The following DCAF8L2 variants were observed in gnomAD, a reference collection of about 807,000 sequenced individuals.
DCAF8L2 encodes DDB1- and CUL4-associated factor 8-like protein 2.
For synonymous variants in DCAF8L2, 200 were observed against 190.9 expected (o/e 1.05, Z -0.39); for missense variants, 430 against 490.7 (o/e 0.88, Z 1.17).
At chrX:27,627,537 TTGTG>T (rs58826584) in intron 1 of DCAF8L2, 12,610 of 90,624 alleles carry the variant, frequency 0.14, 866 homozygotes, top group East Asian at 0.38. Context: ...GTTGTTTTTG[TTGTG>T]TGTGTGTGTG....
At chrX:27,498,921 G>T in the DCAF8L2 span, among the ~76,000 whole-genome samples, 1 of 111,883 alleles carries the variant, frequency 8.9e-6, no homozygotes, top group Non-Finnish European at 1.9e-5. Context: ...GTGTATGTGT[G>T]TACACTATAT....
At chrX:27,469,568 G>T in the DCAF8L2 span, among the ~76,000 whole-genome samples, 3 of 111,150 alleles carry the variant, frequency 2.7e-5, no homozygotes, top group Admixed American at 9.6e-5. Flanking sequence ...ACATTTAAAG[G>T]GGTGCCTTGA....
chrX:27,526,358 C>T, the DCAF8L2 span, among the ~76,000 whole-genome samples: 7,287 of 111,988 alleles, frequency 0.065, 557 homozygotes, highest in African/African-American at 0.22. Flanking sequence ...GTTCTCGTGC[C>T]ATGGTTTTTA....
intron 1 of DCAF8L2, among the ~76,000 whole-genome samples, chrX:27,628,315 C>G (rs913699287): frequency 2.7e-5 from 3 of 111,514 alleles, no homozygotes; most frequent in African/African-American, 9.8e-5. Flanking sequence ...ACCACATTAT[C>G]TTTATCCATT....
chrX:27,524,950 C>A, the DCAF8L2 span, among the ~76,000 whole-genome samples: 3 of 111,949 alleles, frequency 2.7e-5, no homozygotes, highest in African/African-American at 9.8e-5. Context: ...TTACTTCTAA[C>A]TATGTGGTCA....
the DCAF8L2 span, among the ~76,000 whole-genome samples, chrX:27,512,798 A>AAC: frequency 1.0e-5 from 1 of 97,634 alleles, no homozygotes; most frequent in Non-Finnish European, 2.0e-5. Flanking sequence ...AAAAAAAAAA[A>AAC]AAAAAAAAAA....
intron 3 of DCAF8L2, among the ~76,000 whole-genome samples, chrX:27,686,229 C>CT (rs1306912567): frequency 1.8e-5 from 2 of 110,909 alleles, no homozygotes; most frequent in Admixed American, 1.9e-4. Flanking sequence ...AATTCCACTA[C>CT]TAGTTATATA....
At chrX:27,658,432 C>G (rs1449795448) in intron 2 of DCAF8L2, among the ~76,000 whole-genome samples, 1 of 111,799 alleles carries the variant, frequency 8.9e-6, no homozygotes, top group African/African-American at 3.2e-5. Context: ...ACTAAAATTT[C>G]AAAATGAATG....
intron 2 of DCAF8L2, among the ~76,000 whole-genome samples, chrX:27,658,410 A>T (rs1484081316): frequency 8.9e-6 from 1 of 112,356 alleles, no homozygotes; most frequent in African/African-American, 3.2e-5. Context: ...TAGTAGCCAT[A>T]GAAATTGAAA....
chrX:27,671,227 G>A (rs1283977579), intron 2 of DCAF8L2, among the ~76,000 whole-genome samples: 1 of 112,135 alleles, frequency 8.9e-6, no homozygotes, highest in East Asian at 2.8e-4. Flanking sequence ...TCTACCAGTA[G>A]TTGGTTGCTA....
chrX:27,617,541 T>G (rs1490380749), intron 1 of DCAF8L2, among the ~76,000 whole-genome samples: 1 of 111,325 alleles, frequency 9.0e-6, no homozygotes, highest in Non-Finnish European at 1.9e-5. Context: ...ATTTGCTTAT[T>G]TAGGATCACA....
the DCAF8L2 span, among the ~76,000 whole-genome samples, chrX:27,541,619 C>T: frequency 4.5e-5 from 5 of 110,452 alleles, no homozygotes; most frequent in East Asian, 5.7e-4. Context: ...CCACCTGCCT[C>T]GGCCTCTCAA....
chrX:27,735,147 A>G (rs1359471603), intron 4 of DCAF8L2, among the ~76,000 whole-genome samples: 2 of 111,992 alleles, frequency 1.8e-5, no homozygotes, highest in Non-Finnish European at 3.8e-5. Context: ...TGAAATTACA[A>G]TTATTTTCTA....
intron 2 of DCAF8L2, among the ~76,000 whole-genome samples, chrX:27,647,071 A>G (rs1928967692): frequency 1.8e-5 from 2 of 112,091 alleles, no homozygotes; most frequent in Non-Finnish European, 3.8e-5. Context: ...ATATACCCAA[A>G]GGAATATAAA....
chrX:27,574,088 C>T, the DCAF8L2 span, among the ~76,000 whole-genome samples: 5 of 109,935 alleles, frequency 4.5e-5, no homozygotes, highest in Admixed American at 2.9e-4. Context: ...TTTGTCTCAG[C>T]GTCCTGAGTA....
the DCAF8L2 span, among the ~76,000 whole-genome samples, chrX:27,527,265 G>T: frequency 8.9e-6 from 1 of 111,908 alleles, no homozygotes; most frequent in Non-Finnish European, 1.9e-5. Context: ...CTTGCAGTTC[G>T]ATCTCAGACT....
intron 1 of DCAF8L2, among the ~76,000 whole-genome samples, chrX:27,596,405 G>A (rs1279731628): frequency 9.0e-6 from 1 of 111,554 alleles, no homozygotes; most frequent in East Asian, 2.8e-4. Flanking sequence ...TAGAGGTGGT[G>A]AGAAGATAAT....
chrX:27,675,371 A>G (rs1230686438), intron 2 of DCAF8L2, among the ~76,000 whole-genome samples: 1 of 111,793 alleles, frequency 8.9e-6, no homozygotes, highest in Non-Finnish European at 1.9e-5. Flanking sequence ...AAGCAAAGCT[A>G]TTTGAGGGAT....
At chrX:27,510,119 G>A in the DCAF8L2 span, among the ~76,000 whole-genome samples, 1 of 111,231 alleles carries the variant, frequency 9.0e-6, no homozygotes, top group Non-Finnish European at 1.9e-5. Flanking sequence ...AGTCATCAAA[G>A]GAATAGGCTA....
Sources: allele counts gnomAD v4.1 joint callset (sites outside exome capture counted in the v4.1 genomes callset), GRCh38; gene constraint gnomAD v4.1.1; transcripts MANE v1.5; gene names NCBI Gene and HGNC (gene_info 2026-07-23, HGNC 2026-07-21).